NLRX1: variants seen among roughly 807,000 people sequenced by gnomAD.
The protein encoded by NLRX1 is NLR family member X1.
Under a neutral mutation model 74.2 loss-of-function variants are expected in NLRX1, and 67 were observed. That is an observed-to-expected ratio of 0.90 (90% CI 0.74 to 1.11). The LOEUF is 1.11. Ranked by LOEUF, NLRX1 falls within the 50% of genes least tolerant of loss-of-function variation. The pLI is 0.00. For synonymous variants in NLRX1, 506 were observed against 559.1 expected (o/e 0.91, Z 1.34); for missense variants, 1,191 against 1,305.4 (o/e 0.91, Z 1.35).
In NLRX1 at chr11:119,173,801, T is replaced by C. The variant is rs1565826633; in HGVS notation, c.552T>C (p.Cys184=). Residue 184 remains cysteine, a synonymous_variant, in exon 5 of 10, where the codon TGT becomes TGC. Coordinates refer to ENST00000409109, the MANE Select transcript of NLRX1 (RefSeq NM_001282144.2). This position sits in a 1 kb window ranked among gnomAD's most constrained non-coding sequence, Gnocchi z 4.0. ...TLVRKMVLDW[C]YGRLPAFELL... ...TGCGCAAGATGGTTCTGGACTGGTG[T>C]TATGGGCGGCTGCCGGCCTTCGAGC... 1 of 1,613,580 alleles carries C rather than the reference T, an allele frequency of 6.2e-7. No individual in the cohort carries two copies. Among genetic ancestry groups the C allele is most frequent in the East Asian group, 2.2e-5 (1 of 44,878 alleles).
Position 119,183,536 on chromosome 11 carries a change from T to C in NLRX1, c.*97T>C, listed in dbSNP as rs1195960866. 3 of 1,241,804 alleles carry C rather than the reference T, an allele frequency of 2.4e-6. No homozygotes were observed. Among genetic ancestry groups the C allele is most frequent in the Non-Finnish European group, 3.4e-6 (3 of 883,234 alleles). The allele number at this position is 1,241,804 out of a possible 1,614,324, so 76.9% of individuals were successfully genotyped here. A position where few individuals can be genotyped will look rare whatever the true frequency, so the allele number is the denominator to read the frequency against. ...GCACTGCTCCCTCTAGAAAGATTCCTTCAGGTCTGGAGGCAGAGGAATGGG... is the reference window on the plus strand; with the variant it reads ...GCACTGCTCCCTCTAGAAAGATTCCCTCAGGTCTGGAGGCAGAGGAATGGG... On this transcript the variant is annotated 3_prime_UTR_variant, in exon 10 of 10. Transcript: ENST00000409109. This position sits in a 1 kb window ranked among gnomAD's most constrained non-coding sequence, Gnocchi z 5.7.
intron 6 of NLRX1, 141 bp downstream of exon 6, chr11:119,175,415 T>A: frequency 1.4e-6 from 1 of 723,100 alleles, no homozygotes; most frequent in Non-Finnish European, 2.2e-6. Flanking sequence ...AAGGTATGAA[T>A]CTTCTCCCTG....
intron 8 of NLRX1, chr11:119,181,472 C>T (rs565595034): frequency 3.1e-4 from 169 of 541,738 alleles, no homozygotes; most frequent in Middle Eastern, 4.9e-4. Context: ...AAACCTCTCA[C>T]GTGGCTAAAA....
At chr11:119,172,267 T>C in intron 2 of NLRX1, 89 bp from the exon 3 acceptor site, 2 of 993,144 alleles carry the variant, frequency 2.0e-6, no homozygotes, top group South Asian at 2.6e-5. Flanking sequence ...CATGCTGCTA[T>C]GAGAGCAAAT....
In NLRX1 at chr11:119,174,817, A is replaced by C; in HGVS notation, c.1214A>C (p.Asn405Thr). Residue 405 changes from asparagine (N) to threonine (T), a missense_variant, in exon 6 of 10, where the codon AAC (asparagine) becomes ACC (threonine). Coordinates refer to ENST00000409109, the MANE Select transcript of NLRX1 (RefSeq NM_001282144.2). ...TSIYTSFLRLNFSGETLDSTD... is the reference protein window; with the variant it reads ...TSIYTSFLRLTFSGETLDSTD... The stretch of plus-strand genomic sequence containing the variant: ...ATCTATACCAGCTTCCTGCGCCTCA[A>C]CTTCAGCGGGGAAACCCTGGACAGC... 1 of 1,613,806 alleles carries C rather than the reference A, an allele frequency of 6.2e-7. No individual in the cohort carries two copies. The highest frequency in any genetic ancestry group is 1.1e-5 in the South Asian group (1 of 91,078).
At chr11:119,176,556 G>A (rs1042445715) in intron 6 of NLRX1, among the ~76,000 whole-genome samples, 61 of 152,188 alleles carry the variant, frequency 4.0e-4, no homozygotes, top group African/African-American at 1.3e-3. Flanking sequence ...GTGTGGTGCC[G>A]GGTGCCTGTA....
chr11:119,181,902 T>C (rs2135194050), intron 8 of NLRX1, among the ~76,000 whole-genome samples, 192 bp from the exon 9 acceptor site: 1 of 152,220 alleles, frequency 6.6e-6, no homozygotes, highest in East Asian at 1.9e-4. Context: ...CCACACCCCC[T>C]ATTGCTCCAG....
Position 119,175,078 on chromosome 11 carries a change from T to C in NLRX1, c.1475T>C (p.Phe492Ser). ...VEPGRAGTFV[F>S]TVPAMQEYLA... is the part of the protein sequence containing the mutation. ...CCAGGGCGTGCAGGCACCTTCGTGT[T>C]CACCGTGCCCGCCATGCAGGAATAC... Residue 492 changes from phenylalanine to serine, a missense_variant, in exon 6 of 10, where the codon TTC (phenylalanine) becomes TCC (serine). Phe to Ser is a radical substitution (Grantham distance 155, BLOSUM62 -2). Coordinates refer to ENST00000409109, the MANE Select transcript of NLRX1 (RefSeq NM_001282144.2). 1 of 1,614,170 alleles carries C rather than the reference T, an allele frequency of 6.2e-7. No individual in the cohort carries two copies. Among genetic ancestry groups the C allele is most frequent in the Non-Finnish European group, 8.5e-7 (1 of 1,180,042 alleles).
chr11:119,174,155 C>G, intron 5 of NLRX1, 57 bp downstream of exon 5: 1 of 1,576,874 alleles, frequency 6.3e-7, no homozygotes, highest in Non-Finnish European at 8.6e-7. Context: ...CCCCCTAGGT[C>G]CTGGGTTACT....
In NLRX1 at chr11:119,173,388, T is replaced by A; in HGVS notation, c.230-91T>A. The A allele has an allele frequency of 6.5e-6, 9 of 1,390,774 alleles. No individual in the cohort carries two copies. Among genetic ancestry groups the A allele is most frequent in the Non-Finnish European group, 8.9e-6 (9 of 1,015,782 alleles). 86.2% of individuals were successfully genotyped at this position (1,390,774 alleles called of 1,614,324 possible). ...GGGCCCCAGCATCTATGCCGTGATGTCCCAGCCTGACCTCACCACCGCCCT... is the reference window on the plus strand; with the variant it reads ...GGGCCCCAGCATCTATGCCGTGATGACCCAGCCTGACCTCACCACCGCCCT... On this transcript the variant is annotated intron_variant, in intron 4 of 9. Coordinates refer to ENST00000409109, the MANE Select transcript of NLRX1 (RefSeq NM_001282144.2). This position sits in a 1 kb window ranked among gnomAD's most constrained non-coding sequence, Gnocchi z 4.0.
chr11:119,174,961 T>C lies in NLRX1; in HGVS notation c.1358T>C (p.Leu453Pro). Residue 453 changes from leucine to proline, a missense_variant, in exon 6 of 10, where the codon CTG becomes CCG. Leu to Pro is a moderately conservative substitution (Grantham distance 98). Transcript: ENST00000409109. ...TCTGAAGAGGATGTCTGTGGCTGCC[T>C]GGAGGCTGGCATCAGGACGGAGGAG... is the stretch of plus-strand genomic sequence containing the variant. Reference protein sequence around the residue: ...YFSEEDVCGCLEAGIRTEEEF... With the variant: ...YFSEEDVCGCPEAGIRTEEEF... 6.2e-7 allele frequency: 1 copy of C among 1,614,048 alleles called. No homozygotes were observed. The highest frequency in any genetic ancestry group is 1.1e-5 in the South Asian group (1 of 91,086).
Position 119,171,370 on chromosome 11 carries a change from C to T in NLRX1, c.-34C>T. 1 of 1,612,350 alleles carries T rather than the reference C, an allele frequency of 6.2e-7. No homozygotes were observed. The highest frequency in any genetic ancestry group is 8.5e-7 in the Non-Finnish European group (1 of 1,179,504). On this transcript the variant is annotated 5_prime_UTR_variant, in exon 2 of 10. Coordinates refer to ENST00000409109, the MANE Select transcript of NLRX1 (RefSeq NM_001282144.2). ...TCTTCTTGCAGGACAGAAGTCGGTC[C>T]TAGGCCCCCCAGGCTCTGACCTTCT...
rs1190548837 is a variant in NLRX1 at position 119,174,440 on chromosome 11, A to G, written c.850-13A>G. On this transcript the variant is annotated splice_polypyrimidine_tract_variant and intron_variant, in intron 5 of 9. Coordinates refer to ENST00000409109, the MANE Select transcript of NLRX1 (RefSeq NM_001282144.2). Reference sequence around the variant, plus strand: ...CTAAGGTCTTTCTTAACTCTCAACCATGCTCTTCCCAGGCCAGCATTCTGG... The same window carrying G: ...CTAAGGTCTTTCTTAACTCTCAACCGTGCTCTTCCCAGGCCAGCATTCTGG... 2.5e-6 allele frequency: 4 copies of G among 1,609,640 alleles called. No homozygotes were observed. The highest frequency in any genetic ancestry group is 1.7e-5 in the Admixed American group (1 of 59,866).
Position 119,173,808 on chromosome 11 carries a change from C to T in NLRX1, c.559C>T (p.Arg187Trp), listed in dbSNP as rs752080494. The change falls in exon 5 of 10, where the codon CGG becomes TGG. Residue 187 changes from arginine to tryptophan, a missense_variant. Physicochemically the swap from Arg to Trp is moderately radical, Grantham distance 101. Coordinates refer to ENST00000409109, the MANE Select transcript of NLRX1 (RefSeq NM_001282144.2). This position sits in a 1 kb window ranked among gnomAD's most constrained non-coding sequence, Gnocchi z 4.0. ...RKMVLDWCYGRLPAFELLIPF... is the reference protein window; with the variant it reads ...RKMVLDWCYGWLPAFELLIPF... Reference sequence around the variant, plus strand: ...GATGGTTCTGGACTGGTGTTATGGGCGGCTGCCGGCCTTCGAGCTGCTCAT... The same window carrying T: ...GATGGTTCTGGACTGGTGTTATGGGTGGCTGCCGGCCTTCGAGCTGCTCAT... 54 of 1,613,344 alleles carry T rather than the reference C, an allele frequency of 3.3e-5. No homozygotes were observed. The highest frequency in any genetic ancestry group is 1.6e-4 in the East Asian group (7 of 44,890).
chr11:119,171,078 G>A (rs1948531273), intron 1 of NLRX1, among the ~76,000 whole-genome samples: 1 of 152,186 alleles, frequency 6.6e-6, no homozygotes, highest in African/African-American at 2.4e-5. Flanking sequence ...GGGAGGCATA[G>A]GCTTCAATGA....
chr11:119,183,769 G>A lies in NLRX1; in HGVS notation c.*330G>A. 1 of 780,368 alleles carries A rather than the reference G, an allele frequency of 1.3e-6. No homozygotes were observed. Among genetic ancestry groups the A allele is most frequent in the Non-Finnish European group, 2.4e-6 (1 of 417,944 alleles). The allele number at this position is 780,368 out of a possible 1,614,324, so 48.3% of individuals were successfully genotyped here. ...AACCTTGCCTCCCCCTCCTCTCAAA[G>A]AGCCTCTGACTGTGTCACCAAGGGG... is the stretch of plus-strand genomic sequence containing the variant. On this transcript the variant is annotated 3_prime_UTR_variant, in exon 10 of 10. Coordinates refer to ENST00000409109, the MANE Select transcript of NLRX1 (RefSeq NM_001282144.2). The surrounding 1 kb of genome is among the most constrained non-coding windows in gnomAD (Gnocchi z 5.7).
In NLRX1 at chr11:119,171,795, C is replaced by CA. The variant is rs199857715; in HGVS notation, c.70+333dup. ...TGAAACCCTGTCTCTATTAAAACTA[C>CA]AAAAAAAAAAATTAACCAGGTGTAG... On this transcript the variant is annotated intron_variant, in intron 2 of 9. Coordinates refer to ENST00000409109, the MANE Select transcript of NLRX1 (RefSeq NM_001282144.2). Among the ~76,000 whole-genome samples the CA allele has an allele frequency of 5.4e-3, 782 of 145,942 alleles. 2 individuals carry two copies. Among genetic ancestry groups the CA allele is most frequent in the Non-Finnish European group, 7.3e-3 (482 of 65,844 alleles).
Position 119,183,062 on chromosome 11 carries a change from C to A in NLRX1, c.2607-56C>A. ...CCCTGACTTTCCATCCATCTACCCT[C>A]GGGCCCTCCTTCTCAGAGCTCTACT... On this transcript the variant is annotated intron_variant, in intron 9 of 9. Transcript: ENST00000409109. The surrounding 1 kb of genome is among the most constrained non-coding windows in gnomAD (Gnocchi z 5.7). 1 of 1,501,874 alleles carries A rather than the reference C, an allele frequency of 6.7e-7. No homozygotes were observed. Among genetic ancestry groups the A allele is most frequent in the South Asian group, 1.2e-5 (1 of 80,170 alleles). 93.0% of individuals were successfully genotyped at this position (1,501,874 alleles called of 1,614,324 possible).
intron 1 of NLRX1, among the ~76,000 whole-genome samples, chr11:119,171,095 A>C (rs768907223): frequency 6.6e-6 from 1 of 152,202 alleles, no homozygotes; most frequent in South Asian, 2.1e-4. Context: ...ATGAGCCACA[A>C]TCATGCCTGG....
Sources: gnomAD v4.1 joint callset for allele counts (sites outside exome capture counted in the v4.1 genomes callset) on GRCh38, gnomAD v4.1.1 for gene constraint, Gnocchi (gnomAD v3.1) non-coding constraint, MANE v1.5 for transcripts, NCBI Gene and HGNC (gene_info 2026-07-23, HGNC 2026-07-21) for gene names.